The following MARCHF1 variants were observed in gnomAD, a reference collection of about 807,000 sequenced individuals.
MARCHF1 encodes the protein E3 ubiquitin-protein ligase MARCHF1.
Under a neutral mutation model 54.2 loss-of-function variants are expected in MARCHF1, and 40 were observed. The observed-to-expected ratio is 0.74, with a 90% CI of 0.57 to 0.96. The LOEUF is 0.96. Among genes scored for constraint, MARCHF1 ranks in the 40% least tolerant of loss-of-function variants. The pLI, the probability that MARCHF1 is intolerant of heterozygous loss-of-function variation, is 0.00. For synonymous variants in MARCHF1, 236 were observed against 236.3 expected (o/e 1.00, Z 0.01); for missense variants, 586 against 656.5 (o/e 0.89, Z 1.17).
At chr4:164,198,650 T>C (rs1480842922) in intron 1 of MARCHF1, among the ~76,000 whole-genome samples, 1 of 152,248 alleles carries the variant, frequency 6.6e-6, no homozygotes, top group East Asian at 1.9e-4. Context: ...TATTGAGAAG[T>C]TAGCAGCACA....
At chr4:163,683,423 T>C (rs968979774) in intron 5 of MARCHF1, among the ~76,000 whole-genome samples, 1 of 152,008 alleles carries the variant, frequency 6.6e-6, no homozygotes, top group African/African-American at 2.4e-5. Flanking sequence ...CCACAACATG[T>C]GGGAATTCAA....
At chr4:163,769,434 T>G (rs571668124) in intron 4 of MARCHF1, among the ~76,000 whole-genome samples, 3 of 152,286 alleles carry the variant, frequency 2.0e-5, no homozygotes, top group Non-Finnish European at 2.9e-5. Flanking sequence ...CATATATTAA[T>G]GTATTTAATC....
At chr4:163,590,432 A>G (rs907406561) in intron 7 of MARCHF1, among the ~76,000 whole-genome samples, 34 of 151,938 alleles carry the variant, frequency 2.2e-4, no homozygotes, top group African/African-American at 8.0e-4. Flanking sequence ...CCCCACAGCA[A>G]TTTCTCTAGT....
chr4:164,124,170 A>G lies in MARCHF1; in HGVS notation c.-322-12508T>C, dbSNP rs1217804343. On this transcript the variant is annotated intron_variant, in intron 1 of 9. Coordinates refer to ENST00000514618, the MANE Select transcript of MARCHF1 (RefSeq NM_001394959.1). ...GAAAAAGCGCTCAACATCACTGATC[A>G]TAAGTGAAGTGCAAATCAAAATTAC... Among the ~76,000 whole-genome samples the G allele has an allele frequency of 6.6e-5, 10 of 152,142 alleles. 2 individuals carry two copies. Among genetic ancestry groups the G allele is most frequent in the Admixed American group, 4.6e-4 (7 of 15,266 alleles).
intron 3 of MARCHF1, among the ~76,000 whole-genome samples, chr4:163,923,331 C>T (rs1249590405): frequency 3.3e-5 from 5 of 152,072 alleles, no homozygotes; most frequent in East Asian, 1.9e-4. Flanking sequence ...AGATGAGTAT[C>T]ACCACCTTCT....
intron 9 of MARCHF1, among the ~76,000 whole-genome samples, chr4:163,534,691 A>G (rs1042365943): frequency 2.0e-5 from 3 of 152,128 alleles, no homozygotes; most frequent in Admixed American, 6.6e-5. Flanking sequence ...GGCATTTATC[A>G]TTAATCAGTG....
intron 3 of MARCHF1, among the ~76,000 whole-genome samples, chr4:163,934,473 T>C (rs772872676): frequency 6.7e-5 from 10 of 148,380 alleles, no homozygotes; most frequent in South Asian, 2.1e-4. Context: ...GTGGGAGGAC[T>C]GCTTGAACCC....
intron 4 of MARCHF1, among the ~76,000 whole-genome samples, chr4:163,839,999 C>A (rs906541555): frequency 2.0e-5 from 3 of 151,984 alleles, no homozygotes; most frequent in African/African-American, 7.2e-5. Flanking sequence ...AGAGACTAAG[C>A]AAAATATCAA....
At chr4:163,720,590 T>A (rs1745418559) in intron 4 of MARCHF1, among the ~76,000 whole-genome samples, 1 of 152,210 alleles carries the variant, frequency 6.6e-6, no homozygotes, top group Non-Finnish European at 1.5e-5. Context: ...CTGATGAGGA[T>A]GGCATTGAAT....
chr4:164,355,766 G>C (rs1730506164), intron 1 of MARCHF1, among the ~76,000 whole-genome samples: 1 of 102,870 alleles, frequency 9.7e-6, no homozygotes, highest in African/African-American at 3.2e-5. Context: ...TTGACAAATG[G>C]GATCTAGTTA....
chr4:163,600,730 T>A (rs1740936682), intron 7 of MARCHF1, among the ~76,000 whole-genome samples: 1 of 152,148 alleles, frequency 6.6e-6, no homozygotes, highest in South Asian at 2.1e-4. Flanking sequence ...ACATCAGAAT[T>A]GTTAAAGTGG....
intron 1 of MARCHF1, among the ~76,000 whole-genome samples, chr4:164,371,136 C>T (rs1436983384): frequency 3.3e-5 from 5 of 151,972 alleles, no homozygotes; most frequent in Non-Finnish European, 7.4e-5. Flanking sequence ...ATATATGGCA[C>T]CTAGATATGC....
Position 163,775,040 on chromosome 4 carries a change from A to G in MARCHF1, c.112-74177T>C, listed in dbSNP as rs539125293. Among the ~76,000 whole-genome samples, 116 of 152,170 alleles carry G rather than the reference A, an allele frequency of 7.6e-4. 1 individual carries two copies. The highest frequency in any genetic ancestry group is 1.4e-3 in the Non-Finnish European group (95 of 67,980). On this transcript the variant is annotated intron_variant, in intron 4 of 9. Coordinates refer to ENST00000514618, the MANE Select transcript of MARCHF1 (RefSeq NM_001394959.1). ...TCTCCCCTCTCTCAAAGACATCCCA[A>G]ATCATCACTCTTTCATTCAAGGTAA...
At chr4:164,156,653 C>T (rs1730084977) in intron 1 of MARCHF1, among the ~76,000 whole-genome samples, 1 of 152,096 alleles carries the variant, frequency 6.6e-6, no homozygotes, top group South Asian at 2.1e-4. Context: ...AACTCCTGAG[C>T]TCAAGCAATC....
intron 3 of MARCHF1, among the ~76,000 whole-genome samples, chr4:163,974,998 G>T (rs1752620371): frequency 6.6e-6 from 1 of 152,056 alleles, no homozygotes; most frequent in Non-Finnish European, 1.5e-5. Flanking sequence ...TGGGACATAG[G>T]ATTTTTTATG....
Position 164,297,565 on chromosome 4 carries a change from A to G in MARCHF1, c.-323+86305T>C, listed in dbSNP as rs1320432127. Among the ~76,000 whole-genome samples the G allele has an allele frequency of 2.6e-5, 4 of 152,122 alleles. 1 individual carries two copies. In the South Asian group the frequency reaches 6.2e-4, roughly 24 times the overall value. ...AAAGAGTGAGAAATTCACAAACCACAGGAAACTAAGGAAAACGATGACTAG... is the reference window on the plus strand; with the variant it reads ...AAAGAGTGAGAAATTCACAAACCACGGGAAACTAAGGAAAACGATGACTAG... On this transcript the variant is annotated intron_variant, in intron 1 of 9. Transcript: ENST00000514618.
intron 5 of MARCHF1, among the ~76,000 whole-genome samples, chr4:163,675,679 T>C (rs17577209): frequency 0.23 from 34,760 of 152,074 alleles, 5,164 homozygotes; most frequent in Non-Finnish European, 0.35. Context: ...GTAAATTTGG[T>C]CATGATTTGT....
intron 3 of MARCHF1, among the ~76,000 whole-genome samples, chr4:163,975,184 T>TCACA (rs1340438965): frequency 1.2e-3 from 158 of 134,894 alleles, no homozygotes; most frequent in African/African-American, 5.1e-3. Context: ...TCTCTCTCTC[T>TCACA]CTCTCTCTCT....
chr4:164,031,649 G>A (rs1753880391), intron 2 of MARCHF1, among the ~76,000 whole-genome samples: 1 of 152,092 alleles, frequency 6.6e-6, no homozygotes, highest in East Asian at 1.9e-4. Context: ...ATTTGCTTAT[G>A]TTGAACCAGC....
Sources: gnomAD v4.1 joint callset for allele counts (sites outside exome capture counted in the v4.1 genomes callset) on GRCh38, gnomAD v4.1.1 for gene constraint, MANE v1.5 for transcripts, NCBI Gene and HGNC (gene_info 2026-07-23, HGNC 2026-07-21) for gene names.